The following APPL1 variants were observed in gnomAD, a reference collection of about 807,000 sequenced individuals.
APPL1 encodes the protein DCC-interacting protein 13-alpha.
Under a neutral mutation model 106.8 loss-of-function variants are expected in APPL1, and 42 were observed. That is an observed-to-expected ratio of 0.39 (90% CI 0.31 to 0.51). The LOEUF (loss-of-function observed/expected upper bound fraction) is 0.51. APPL1 is among the 20% of genes least tolerant of loss of function. The pLI, the probability that APPL1 is intolerant of heterozygous loss-of-function variation, is 0.75. For missense variants in APPL1, 769 were observed against 858.2 expected, an observed-to-expected ratio of 0.90 and a Z score of 1.30; for synonymous variants, 263 against 281.8, an observed-to-expected ratio of 0.93 and a Z score of 0.67.
Position 57,232,876 on chromosome 3 carries a change from C to T in APPL1, c.55-2690C>T, listed in dbSNP as rs1579378548. 3.3e-5 allele frequency among the ~76,000 whole-genome samples: 5 copies of T among 152,096 alleles called. No individual in the cohort carries two copies. The South Asian group carries it at 1.0e-3, about 32-fold the overall frequency. The stretch of plus-strand genomic sequence containing the variant: ...AATTAGCTGGGTGTGGTGGCTGGCA[C>T]CTGTAGTCCCAGCTACACGGGAGGC... On this transcript the variant is annotated intron_variant, in intron 1 of 21. Transcript: ENST00000288266.
intron 18 of APPL1, 47 bp downstream of exon 18, chr3:57,260,200 A>C: frequency 6.5e-7 from 1 of 1,540,608 alleles, no homozygotes; most frequent in Non-Finnish European, 8.9e-7. Flanking sequence ...CTTTGTATAT[A>C]TACACATCTT....
intron 7 of APPL1, 149 bp downstream of exon 7, chr3:57,243,063 T>C (rs2060755310): frequency 1.6e-6 from 1 of 609,424 alleles, no homozygotes; most frequent in East Asian, 2.9e-5. Flanking sequence ...GTTCAAAACC[T>C]TTCTGATAAT....
At chr3:57,269,363 C>T in intron 21 of APPL1, 178 bp from the exon 22 acceptor site, 1 of 536,468 alleles carries the variant, frequency 1.9e-6, no homozygotes, top group South Asian at 4.1e-5. Context: ...TAGGATGGTG[C>T]CAAAATTCAT....
intron 1 of APPL1, among the ~76,000 whole-genome samples, chr3:57,231,115 G>C (rs933697709): frequency 2.6e-5 from 4 of 151,856 alleles, no homozygotes; most frequent in Non-Finnish European, 5.9e-5. Flanking sequence ...CGAGGCAGGT[G>C]AATCACGAGG....
chr3:57,236,875 C>G (rs2060719097), intron 2 of APPL1, among the ~76,000 whole-genome samples: 1 of 151,946 alleles, frequency 6.6e-6, no homozygotes, highest in African/African-American at 2.4e-5. Context: ...ATTTTTTTCC[C>G]TTCTCATATT....
intron 8 of APPL1, among the ~76,000 whole-genome samples, chr3:57,246,437 G>A (rs1041847137): frequency 1.3e-5 from 2 of 152,248 alleles, no homozygotes; most frequent in African/African-American, 4.8e-5. Flanking sequence ...AATATTTTAG[G>A]TAAATGAAAC....
chr3:57,255,772 G>C (rs2060831987), intron 13 of APPL1, among the ~76,000 whole-genome samples: 1 of 152,056 alleles, frequency 6.6e-6, no homozygotes, highest in South Asian at 2.1e-4. Flanking sequence ...TTTTTGTAAG[G>C]TTATTTGGGA....
chr3:57,264,591 A>T (rs961010192), intron 19 of APPL1, among the ~76,000 whole-genome samples: 38 of 143,630 alleles, frequency 2.6e-4, no homozygotes, highest in East Asian at 5.8e-4. Flanking sequence ...ATAAAAAAAA[A>T]TTTTTTTAAA....
At chr3:57,231,546 C>T (rs2060687066) in intron 1 of APPL1, among the ~76,000 whole-genome samples, 1 of 151,474 alleles carries the variant, frequency 6.6e-6, no homozygotes, top group African/African-American at 2.4e-5. Flanking sequence ...CAGTTGCTAC[C>T]TAAAAAAGAG....
chr3:57,254,063 A>G (rs1026058152), intron 13 of APPL1, among the ~76,000 whole-genome samples: 12 of 152,150 alleles, frequency 7.9e-5, no homozygotes, highest in African/African-American at 2.9e-4. Context: ...GGATTTGGCC[A>G]TGTTGGCCAG....
chr3:57,259,511 G>T (rs1461589720), intron 16 of APPL1, among the ~76,000 whole-genome samples: 1 of 151,990 alleles, frequency 6.6e-6, no homozygotes, highest in Non-Finnish European at 1.5e-5. Context: ...GCCTAGGCTG[G>T]TCTCGAACTC....
chr3:57,227,771 C>T lies in APPL1; in HGVS notation c.-113C>T, dbSNP rs1012709200. 7 of 898,710 alleles carry T rather than the reference C, an allele frequency of 7.8e-6. No individual in the cohort carries two copies. Among genetic ancestry groups the T allele is most frequent in the South Asian group, 3.0e-5 (1 of 33,226 alleles). 55.7% of individuals were successfully genotyped at this position (898,710 alleles called of 1,614,324 possible). On this transcript the variant is annotated 5_prime_UTR_variant, in exon 1 of 22. It adds an upstream start codon to the 5' untranslated region. Transcript: ENST00000288266. ...CTGGAGAAGGCTGTGCGGGCGGGGA[C>T]GGCTGCAGCCCTTGCCGGAGAGGGC...
intron 1 of APPL1, among the ~76,000 whole-genome samples, chr3:57,234,490 G>A (rs1467489304): frequency 6.6e-6 from 1 of 151,390 alleles, no homozygotes; most frequent in Non-Finnish European, 1.5e-5. Context: ...AGTAGAGATG[G>A]GGTTTCACCG....
chr3:57,258,858 G>A (rs1559512881), intron 15 of APPL1, 170 bp from the exon 16 acceptor site: 2 of 545,428 alleles, frequency 3.7e-6, no homozygotes, highest in East Asian at 6.0e-5. Context: ...AGTGTGTGAG[G>A]GCAGAGGCCT....
At chr3:57,255,717 G>C (rs561927183) in intron 13 of APPL1, among the ~76,000 whole-genome samples, 2 of 152,144 alleles carry the variant, frequency 1.3e-5, no homozygotes, top group East Asian at 1.9e-4. Flanking sequence ...TATAGAGAAG[G>C]CTTTTGCTTT....
intron 1 of APPL1, among the ~76,000 whole-genome samples, chr3:57,233,027 A>G (rs1445492706): frequency 6.6e-6 from 1 of 152,090 alleles, no homozygotes; most frequent in African/African-American, 2.4e-5. Context: ...ACAAAAAAAC[A>G]AAAAAGAAAA....
chr3:57,259,765 A>T, intron 16 of APPL1, 80 bp from the exon 17 acceptor site: 2 of 1,216,956 alleles, frequency 1.6e-6, no homozygotes, highest in Non-Finnish European at 2.2e-6. Context: ...ATTCTTTTGG[A>T]AAAGAAATAT....
At position 57,253,945 on chromosome 3, in the gene APPL1, C is replaced by T. The variant is rs139152751; in HGVS notation, c.1152+207C>T. 9.6e-3 allele frequency among the ~76,000 whole-genome samples: 1,462 copies of T among 151,864 alleles called. 24 individuals are homozygous for T. The highest frequency in any genetic ancestry group is 0.034 in the African/African-American group (1,413 of 41,410). ...TGGCCTGATCTTTGTTCACTACAAC[C>T]TCCACCTCCCAGGTTCAAGCGATTC... On this transcript the variant is annotated intron_variant, in intron 13 of 21. Coordinates refer to ENST00000288266, the MANE Select transcript of APPL1 (RefSeq NM_012096.3).
intron 1 of APPL1, among the ~76,000 whole-genome samples, chr3:57,232,103 GAAAATC>G (rs1579377936): frequency 6.6e-6 from 1 of 152,098 alleles, no homozygotes; most frequent in Admixed American, 6.5e-5. Context: ...ATGTTGTTTT[GAAAATC>G]AAAATCAAAA....
Sources: gnomAD v4.1 joint callset for allele counts (sites outside exome capture counted in the v4.1 genomes callset) on GRCh38, gnomAD v4.1.1 for gene constraint, MANE v1.5 for transcripts, NCBI Gene and HGNC (gene_info 2026-07-23, HGNC 2026-07-21) for gene names.